ANTXR1: variants seen among roughly 807,000 people sequenced by gnomAD.
The protein encoded by ANTXR1 is anthrax toxin receptor 1.
A neutral mutation model predicts 78.1 loss-of-function variants in ANTXR1; 19 were observed. The ratio of observed to expected loss-of-function variants is 0.24; its 90% CI spans 0.17 to 0.36. ANTXR1 has a LOEUF of 0.36. Among genes scored for constraint, ANTXR1 ranks in the 10% least tolerant of loss-of-function variants. ANTXR1 has a pLI of 1.00. For synonymous variants in ANTXR1, 273 were observed against 260.5 expected, an observed-to-expected ratio of 1.05 and a Z score of -0.46; for missense variants, 518 against 718.6, an observed-to-expected ratio of 0.72 and a Z score of 3.19.
At chr2:69,085,707 TA>T (rs66899450) in intron 8 of ANTXR1, among the ~76,000 whole-genome samples, 15 of 149,852 alleles carry the variant, frequency 1.0e-4, no homozygotes, top group East Asian at 3.9e-4. Context: ...GACCAAACAA[TA>T]AAAAAAAAAC....
chr2:69,184,649 T>C (rs1458892467), intron 16 of ANTXR1, among the ~76,000 whole-genome samples: 4 of 152,240 alleles, frequency 2.6e-5, no homozygotes, highest in Non-Finnish European at 5.9e-5. Context: ...TAGTCCTCTA[T>C]TGACTGGCGG....
intron 12 of ANTXR1, among the ~76,000 whole-genome samples, chr2:69,139,994 A>T (rs1190477380): frequency 6.6e-6 from 1 of 152,204 alleles, no homozygotes; most frequent in Non-Finnish European, 1.5e-5. Context: ...AACAAGCTAC[A>T]TCTTGTCTGG....
intron 9 of ANTXR1, among the ~76,000 whole-genome samples, chr2:69,097,014 G>T (rs1214457853): frequency 6.6e-6 from 1 of 152,212 alleles, no homozygotes; most frequent in African/African-American, 2.4e-5. Context: ...TTGTATTTCA[G>T]TAATTCTGCT....
chr2:69,066,446 C>T (rs1283262647), intron 3 of ANTXR1, among the ~76,000 whole-genome samples: 3 of 152,132 alleles, frequency 2.0e-5, no homozygotes, highest in Non-Finnish European at 2.9e-5. Context: ...CAGGCATACA[C>T]CACCATGCCC....
At chr2:69,046,663 A>G (rs1669778580) in intron 3 of ANTXR1, among the ~76,000 whole-genome samples, 1 of 152,196 alleles carries the variant, frequency 6.6e-6, no homozygotes, top group Admixed American at 6.5e-5. Context: ...TATGGAAGAA[A>G]TGTGGGCAAG....
In ANTXR1 at chr2:69,013,652, G is replaced by A; in HGVS notation, c.152+1G>A. The A allele has an allele frequency of 6.4e-7, 1 of 1,552,020 alleles. No homozygotes were observed. The highest frequency in any genetic ancestry group is 2.0e-5 in the Admixed American group (1 of 51,026). On this transcript the variant is annotated splice_donor_variant, in intron 1 of 17. Transcript: ENST00000303714. LOFTEE classifies it high-confidence loss of function. The surrounding 1 kb of genome is among the most constrained non-coding windows in gnomAD (Gnocchi z 5.0). ...TTGACCTGTACTTCATTTTGGACAA[G>A]TAAGTGCCGCGAGTTGTCCCCCCCA...
In ANTXR1 at chr2:69,118,724, G is replaced by A. The variant is rs72827650; in HGVS notation, c.803-4293G>A. Among the ~76,000 whole-genome samples, 404 of 152,298 alleles carry A rather than the reference G, an allele frequency of 2.7e-3. 1 individual carries two copies. Among genetic ancestry groups the A allele is most frequent in the Non-Finnish European group, 4.9e-3 (332 of 68,026 alleles). Reference sequence around the variant, plus strand: ...TGCAGCGAGGCTGGCACGGCCCTGGGGCCAAACGTGGCACGGCCGAGGTGC... The same window carrying A: ...TGCAGCGAGGCTGGCACGGCCCTGGAGCCAAACGTGGCACGGCCGAGGTGC... On this transcript the variant is annotated intron_variant, in intron 10 of 17. Transcript: ENST00000303714.
chr2:69,236,129 T>G (rs1675757711), intron 17 of ANTXR1, among the ~76,000 whole-genome samples: 1 of 152,116 alleles, frequency 6.6e-6, no homozygotes. Context: ...CAAGATGAGA[T>G]TTGGGTGGGG....
intron 16 of ANTXR1, among the ~76,000 whole-genome samples, chr2:69,183,846 T>C (rs968838327): frequency 6.6e-6 from 1 of 152,188 alleles, no homozygotes; most frequent in Admixed American, 6.5e-5. Flanking sequence ...TGGAAAATTA[T>C]AGCTGAAAAG....
At chr2:69,037,389 T>C (rs1049364967) in intron 1 of ANTXR1, among the ~76,000 whole-genome samples, 2 of 152,206 alleles carry the variant, frequency 1.3e-5, no homozygotes, top group Admixed American at 1.3e-4. Flanking sequence ...CCTGAGAGCA[T>C]AAGGCAGGGC....
intron 12 of ANTXR1, among the ~76,000 whole-genome samples, chr2:69,128,393 T>TTTTATA (rs1480954986): frequency 6.6e-6 from 1 of 152,240 alleles, no homozygotes; most frequent in Non-Finnish European, 1.5e-5. Context: ...AATTATTAGC[T>TTTTATA]GTTTTATAGT....
rs1672403506 is a variant in ANTXR1, at chr2:69,123,017, A to C, written c.803A>C (p.Asn268Thr). Residue 268 changes from asparagine (N) to threonine (T), a missense_variant and splice_region_variant, in exon 11 of 18, where the codon AAT (asparagine) becomes ACT (threonine). Transcript: ENST00000303714. ...TAATCCAGTGATTTCCTTTTTGCAG[A>C]TGAGAAGCCCTTTTCTGTGGAAGAT... ...SFKINDSVTLNEKPFSVEDTY... is the reference protein window; with the variant it reads ...SFKINDSVTLTEKPFSVEDTY... 1 of 1,614,026 alleles carries C rather than the reference A, an allele frequency of 6.2e-7. No homozygotes were observed. The highest frequency in any genetic ancestry group is 1.7e-5 in the Admixed American group (1 of 60,006).
chr2:69,048,491 G>C (rs1051154453), intron 3 of ANTXR1, among the ~76,000 whole-genome samples: 2 of 151,980 alleles, frequency 1.3e-5, no homozygotes, highest in African/African-American at 4.8e-5. Flanking sequence ...CAGTACTTTT[G>C]ATTCTTTTTT....
intron 17 of ANTXR1, among the ~76,000 whole-genome samples, chr2:69,207,678 G>C (rs745929149): frequency 1.3e-5 from 2 of 152,108 alleles, no homozygotes; most frequent in African/African-American, 4.8e-5. Flanking sequence ...AGTGAAGCAG[G>C]ATTTTTCTCG....
chr2:69,150,134 G>C (rs1422486737), intron 12 of ANTXR1, among the ~76,000 whole-genome samples: 6 of 152,196 alleles, frequency 3.9e-5, no homozygotes, highest in African/African-American at 1.4e-4. Context: ...GGGAGTTTCA[G>C]CAAGTAAGAG....
intron 1 of ANTXR1, among the ~76,000 whole-genome samples, chr2:69,039,441 T>C (rs1322509741): frequency 6.6e-6 from 1 of 152,202 alleles, no homozygotes; most frequent in African/African-American, 2.4e-5. Context: ...GTCGTTTTTC[T>C]TCTTTTGTTT....
At chr2:69,109,970 TA>T (rs1012033999) in intron 10 of ANTXR1, among the ~76,000 whole-genome samples, 1 of 151,990 alleles carries the variant, frequency 6.6e-6, no homozygotes, top group Non-Finnish European at 1.5e-5. Flanking sequence ...TAAAATCGGT[TA>T]AAAAAAGGTG....
intron 3 of ANTXR1, among the ~76,000 whole-genome samples, chr2:69,059,409 T>G (rs1027934800): frequency 3.9e-5 from 6 of 152,212 alleles, no homozygotes; most frequent in African/African-American, 1.4e-4. Context: ...CAGCAAAAGA[T>G]TATGATTCAC....
chr2:69,180,497 T>G (rs182059600), intron 14 of ANTXR1, among the ~76,000 whole-genome samples: 1 of 151,134 alleles, frequency 6.6e-6, no homozygotes, highest in Non-Finnish European at 1.5e-5. Flanking sequence ...CCTCCCTTTT[T>G]CCATCCACAG....
Sources: gnomAD v4.1 joint callset for allele counts (sites outside exome capture counted in the v4.1 genomes callset) on GRCh38, gnomAD v4.1.1 for gene constraint, Gnocchi (gnomAD v3.1) non-coding constraint, MANE v1.5 for transcripts, NCBI Gene and HGNC (gene_info 2026-07-23, HGNC 2026-07-21) for gene names.